Variants in EVL observed in about 807,000 individuals in gnomAD.
The protein encoded by EVL is ena/VASP-like protein.
In EVL, 21 loss-of-function variants were observed where a neutral mutation model predicts 59.6. The observed-to-expected ratio is 0.35, with a 90% CI of 0.25 to 0.51. The LOEUF is 0.51. Ranked by LOEUF, EVL falls within the 20% of genes least tolerant of loss-of-function variation. The pLI is 0.97. For synonymous variants in EVL, 198 were observed against 203.5 expected (o/e 0.97, Z 0.23); for missense variants, 462 against 546.6 (o/e 0.85, Z 1.54).
At chr14:100,133,876 G>A (rs1179289032) in intron 8 of EVL, among the ~76,000 whole-genome samples, 2 of 152,224 alleles carry the variant, frequency 1.3e-5, no homozygotes, top group Non-Finnish European at 2.9e-5. Context: ...GGCGGAGGTT[G>A]TAGTGAGCAG....
At chr14:100,048,361 A>G (rs1008636361) in intron 1 of EVL, among the ~76,000 whole-genome samples, 4 of 152,248 alleles carry the variant, frequency 2.6e-5, no homozygotes, top group Admixed American at 6.5e-5. Flanking sequence ...CAAAGAGGAT[A>G]TACAGATGGC....
In EVL at chr14:99,972,299, C is replaced by T. The variant is rs534970865; in HGVS notation, c.5+242C>T. Among the ~76,000 whole-genome samples, 7 of 152,236 alleles carry T rather than the reference C, an allele frequency of 4.6e-5. No homozygotes were observed. The highest frequency in any genetic ancestry group is 1.3e-4 in the Admixed American group (2 of 15,306). On this transcript the variant is annotated intron_variant, in intron 1 of 13. Coordinates refer to the EVL transcript ENST00000402714. The surrounding 1 kb of genome is among the most constrained non-coding windows in gnomAD (Gnocchi z 4.4). ...AGGGCTTGTGGGGGGCAGTGTTCTG[C>T]AAGGGGCAGGCGGCGCTGGCTTTGG... is the stretch of plus-strand genomic sequence containing the variant.
rs1271243600 is a variant in EVL at position 100,130,186 on chromosome 14, A to G, written c.839+502A>G. Among the ~76,000 whole-genome samples, 1 of 152,166 alleles carries G rather than the reference A, an allele frequency of 6.6e-6. No individual in the cohort carries two copies. Among genetic ancestry groups the G allele is most frequent in the Admixed American group, 6.5e-5 (1 of 15,276 alleles). On this transcript the variant is annotated intron_variant, in intron 7 of 13. Transcript: ENST00000392920. This position sits in a 1 kb window ranked among gnomAD's most constrained non-coding sequence, Gnocchi z 4.8. ...TTGCCCTGAGCGACGGAGAGAGAGT[A>G]GTTCCATCTACATCCCGGCCGGGCT...
chr14:100,090,984 TA>T (rs1165782658), intron 2 of EVL, among the ~76,000 whole-genome samples: 1 of 152,098 alleles, frequency 6.6e-6, no homozygotes, highest in Non-Finnish European at 1.5e-5. Flanking sequence ...CAAACTATTA[TA>T]GTAATATAAT....
chr14:100,100,648 A>T (rs559541188), intron 3 of EVL, among the ~76,000 whole-genome samples: 10 of 152,040 alleles, frequency 6.6e-5, no homozygotes, highest in African/African-American at 2.4e-4. Flanking sequence ...GCTTGTTGGC[A>T]TGTGTCTGTA....
intron 2 of EVL, among the ~76,000 whole-genome samples, chr14:100,090,451 A>G (rs1201002713): frequency 6.6e-6 from 1 of 152,256 alleles, no homozygotes; most frequent in African/African-American, 2.4e-5. Flanking sequence ...GTCTTCTTAC[A>G]ACCATGCTGT....
At chr14:100,073,543 C>T (rs1186125227) in intron 1 of EVL, among the ~76,000 whole-genome samples, 1 of 152,100 alleles carries the variant, frequency 6.6e-6, no homozygotes, top group African/African-American at 2.4e-5. Context: ...TGGTCTCGAA[C>T]TCCTGGGCTC....
At chr14:100,044,204 A>G (rs958361499) in intron 1 of EVL, among the ~76,000 whole-genome samples, 95 of 152,208 alleles carry the variant, frequency 6.2e-4, no homozygotes, top group African/African-American at 1.8e-3. Context: ...ATTGTGAAGC[A>G]AAAGGGGGTT....
intron 3 of EVL, 40 bp downstream of exon 3, chr14:100,097,698 T>C (rs1453723406): frequency 4.5e-6 from 7 of 1,557,636 alleles, no homozygotes; most frequent in South Asian, 1.2e-5. Flanking sequence ...TGAGACCCTC[T>C]CTTGTTCTAC....
chr14:100,034,548 G>A (rs960318548), intron 1 of EVL, among the ~76,000 whole-genome samples: 1 of 144,436 alleles, frequency 6.9e-6, no homozygotes, highest in Non-Finnish European at 1.5e-5. Context: ...CAAGGAGTTT[G>A]AGACCAGAGC....
rs1209155152 is a variant in EVL at position 100,129,673 on chromosome 14, G to T, written c.828G>T (p.Leu276=). 1.3e-6 allele frequency: 2 copies of T among 1,577,894 alleles called. No individual in the cohort carries two copies. The highest frequency in any genetic ancestry group is 2.3e-5 in the South Asian group (2 of 86,686). The change falls in exon 7 of 14, where the codon CTG becomes CTT. Residue 276 remains leucine, a synonymous_variant. Transcript: ENST00000392920. ...GGGLMEEMNK[L]LAKRRKAASQ... is the part of the protein sequence containing the mutation. ...GCCTCATGGAGGAAATGAACAAACTGCTGGCCAAGAGGTGGGTCTCTACAC... is the reference window on the plus strand; with the variant it reads ...GCCTCATGGAGGAAATGAACAAACTTCTGGCCAAGAGGTGGGTCTCTACAC...
intron 1 of EVL, among the ~76,000 whole-genome samples, chr14:100,012,798 G>A (rs931328366): frequency 6.6e-6 from 1 of 152,092 alleles, no homozygotes; most frequent in African/African-American, 2.4e-5. Flanking sequence ...AGTAATCTGA[G>A]AGCCACATGA....
chr14:100,143,759 G>T lies in EVL; in HGVS notation c.*21G>T, dbSNP rs928807266. On this transcript the variant is annotated 3_prime_UTR_variant, in exon 14 of 14. Transcript: ENST00000392920. ...CGTAAGGGGCCGGCCTCGCTGCGCT[G>T]ATTCGTCGAGCCCATCCGGCGACAG... 6.2e-7 allele frequency: 1 copy of T among 1,610,120 alleles called. No individual in the cohort carries two copies. The highest frequency in any genetic ancestry group is 1.7e-4 in the Middle Eastern group (1 of 6,054).
intron 1 of EVL, among the ~76,000 whole-genome samples, chr14:100,057,039 T>G (rs999061259): frequency 2.0e-5 from 3 of 152,132 alleles, no homozygotes; most frequent in African/African-American, 7.2e-5. Context: ...CAGTAAACAC[T>G]TCATTAAAGA....
chr14:100,120,977 G>GGGACTCCCACCATCCCCATCGCCC (rs1887658907), intron 3 of EVL, among the ~76,000 whole-genome samples: 1 of 152,188 alleles, frequency 6.6e-6, no homozygotes, highest in Admixed American at 6.5e-5. Context: ...GGGAAGAGCT[G>GGGACTCCCACCATCCCCATCGCCC]GGACTCCCAC....
intron 11 of EVL, chr14:100,138,639 G>A (rs12879635): frequency 0.14 from 21,087 of 152,710 alleles, 1,571 homozygotes; most frequent in Middle Eastern, 0.22. Context: ...AGTCAGCTGG[G>A]GTTTGTCCAA....
chr14:99,999,359 T>G (rs1363484063), intron 1 of EVL, among the ~76,000 whole-genome samples: 2 of 152,236 alleles, frequency 1.3e-5, no homozygotes, highest in Admixed American at 6.5e-5. Flanking sequence ...AGCAAATTAC[T>G]TTACCTCTCT....
chr14:100,125,151 C>CACAT (rs1566718479), intron 4 of EVL, among the ~76,000 whole-genome samples: 1 of 124,142 alleles, frequency 8.1e-6, no homozygotes, highest in African/African-American at 3.9e-5. Context: ...CACACACACA[C>CACAT]CTGCCCCAAG....
Position 100,123,608 on chromosome 14 carries a change from C to A in EVL, c.422+6C>A. On this transcript the variant is annotated splice_donor_region_variant and intron_variant, in intron 4 of 13. Transcript: ENST00000392920. The stretch of plus-strand genomic sequence containing the variant: ...GAGATGGACATCCAGAGAAGGTAAC[C>A]CAGCACCCGCAGGGGCCAGGCTGGT... The A allele has an allele frequency of 6.2e-7, 1 of 1,613,994 alleles. No homozygotes were observed. The highest frequency in any genetic ancestry group is 1.1e-5 in the South Asian group (1 of 91,062).
Sources: allele counts gnomAD v4.1 joint callset (sites outside exome capture counted in the v4.1 genomes callset), GRCh38; gene constraint gnomAD v4.1.1; non-coding constraint Gnocchi (gnomAD v3.1); transcripts MANE v1.5; gene names NCBI Gene and HGNC (gene_info 2026-07-23, HGNC 2026-07-21).